TRAF2: variants seen among roughly 807,000 people sequenced by gnomAD.
TRAF2 encodes the protein TNF receptor associated factor 2, also known as TNF receptor-associated factor 2.
TRAF2 carries 6 observed loss-of-function variants against 55.6 expected under a neutral mutation model. The observed-to-expected ratio is 0.11, with a 90% CI of 0.06 to 0.21. TRAF2 has a LOEUF of 0.21. Ranked by LOEUF, TRAF2 falls within the 10% of genes least tolerant of loss-of-function variation. The pLI, the probability that TRAF2 is intolerant of heterozygous loss-of-function variation, is 1.00. For synonymous variants in TRAF2, 329 were observed against 276.3 expected, an observed-to-expected ratio of 1.19 and a Z score of -1.89; for missense variants, 561 against 684.5, an observed-to-expected ratio of 0.82 and a Z score of 2.01.
At chr9:136,907,516 G>A (rs1005094000) in intron 4 of TRAF2, among the ~76,000 whole-genome samples, 1 of 152,250 alleles carries the variant, frequency 6.6e-6, no homozygotes, top group Non-Finnish European at 1.5e-5. Context: ...TTGGCCTGGT[G>A]GGCTTGTGCC....
Position 136,909,911 on chromosome 9 carries a change from C to T in TRAF2, c.529-9C>T. The T allele has an allele frequency of 6.2e-7, 1 of 1,614,128 alleles. No homozygotes were observed. ...TCCACCCTCACACTCCTGATCCCTT[C>T]TTTTGAAGGCGCACCACGAGGTCTG... is the stretch of plus-strand genomic sequence containing the variant. On this transcript the variant is annotated splice_polypyrimidine_tract_variant and intron_variant, in intron 5 of 10. Transcript: ENST00000247668.
At chr9:136,885,874 A>T (rs1193053738), upstream of TRAF2, among the ~76,000 whole-genome samples, 1 of 152,242 alleles carries the variant, frequency 6.6e-6, no homozygotes, top group Non-Finnish European at 1.5e-5. Context: ...CCCCAAAAGG[A>T]GACCCCATAG....
At chr9:136,884,579 C>G (rs28553941), upstream of TRAF2, among the ~76,000 whole-genome samples, 2 of 9,288 alleles carry the variant, frequency 2.2e-4, no homozygotes, top group African/African-American at 7.7e-4. Flanking sequence ...AAAAAAGAGA[C>G]AGGGTCTCAC....
chr9:136,909,374 G>A (rs1024930777), intron 5 of TRAF2, among the ~76,000 whole-genome samples: 2 of 152,212 alleles, frequency 1.3e-5, no homozygotes, highest in Non-Finnish European at 2.9e-5. Context: ...ATGTCTCTGG[G>A]TCTCTCTCTG....
At chr9:136,909,184 C>T (rs925406235) in intron 5 of TRAF2, among the ~76,000 whole-genome samples, 3 of 97,782 alleles carry the variant, frequency 3.1e-5, no homozygotes, top group African/African-American at 1.3e-4. Flanking sequence ...GCTTTGCTCT[C>T]AAGACAGTTG....
At chr9:136,886,741 G>C (rs116932476) in intron 1 of TRAF2, 200 bp downstream of exon 1, 2 of 293,438 alleles carry the variant, frequency 6.8e-6, no homozygotes, top group Non-Finnish European at 1.0e-5. Flanking sequence ...CGGAAACCAA[G>C]TCCGAGCGTG....
At chr9:136,924,330 TG>T (rs1850469285) in intron 10 of TRAF2, among the ~76,000 whole-genome samples, 1 of 151,502 alleles carries the variant, frequency 6.6e-6, no homozygotes, top group African/African-American at 2.4e-5. Context: ...GAGGCTGAGG[TG>T]GGAGGATTGC....
Position 136,907,183 on chromosome 9 carries a change from C to T in TRAF2, c.367-887C>T, listed in dbSNP as rs752968049. On this transcript the variant is annotated intron_variant, in intron 4 of 10. Coordinates refer to ENST00000247668, the MANE Select transcript of TRAF2 (RefSeq NM_021138.4). ...CCTTGCCACCCTGGCCATCTGTGGA[C>T]GTCCACAGTCCTCTGCCTCGCCTGA... is the stretch of plus-strand genomic sequence containing the variant. Among the ~76,000 whole-genome samples, 10 of 152,386 alleles carry T rather than the reference C, an allele frequency of 6.6e-5. No homozygotes were observed. In the East Asian group the frequency reaches 1.7e-3, roughly 26 times the overall value.
chr9:136,887,239 AG>A (rs1244580774), intron 1 of TRAF2, among the ~76,000 whole-genome samples: 5 of 152,198 alleles, frequency 3.3e-5, no homozygotes, highest in Non-Finnish European at 7.3e-5. Flanking sequence ...TGGCAGTAGC[AG>A]GGGATGTTTG....
In TRAF2 at chr9:136,900,529, G is replaced by T. The variant is rs138540053; in HGVS notation, c.366+9G>T. The T allele has an allele frequency of 5.0e-6, 8 of 1,610,884 alleles. No individual in the cohort carries two copies. In the African/African-American group the frequency reaches 1.1e-4, roughly 21 times the overall value. ...CCCTGAAAGAATACGAGGTAAAGAT[G>T]CCTGCGTGTGGCATGGTGACAGAAG... On this transcript the variant is annotated intron_variant, in intron 4 of 10. Coordinates refer to ENST00000247668, the MANE Select transcript of TRAF2 (RefSeq NM_021138.4).
chr9:136,882,239 G>A (rs1251940540), upstream of TRAF2, among the ~76,000 whole-genome samples: 2 of 152,236 alleles, frequency 1.3e-5, no homozygotes, highest in Non-Finnish European at 2.9e-5. Context: ...ACAGAGCCCT[G>A]CTGGGCACAG....
In TRAF2 at chr9:136,900,535, G is replaced by A. The variant is rs750497275; in HGVS notation, c.366+15G>A. The A allele has an allele frequency of 1.3e-5, 21 of 1,605,224 alleles. No homozygotes were observed. The South Asian group carries it at 1.5e-4, about 12-fold the overall frequency. On this transcript the variant is annotated intron_variant, in intron 4 of 10. Transcript: ENST00000247668. Reference sequence around the variant, plus strand: ...AAGAATACGAGGTAAAGATGCCTGCGTGTGGCATGGTGACAGAAGCTCCAG... The same window carrying A: ...AAGAATACGAGGTAAAGATGCCTGCATGTGGCATGGTGACAGAAGCTCCAG...
At chr9:136,886,777 C>G (rs1387505399) in intron 1 of TRAF2, 5 of 206,648 alleles carry the variant, frequency 2.4e-5, no homozygotes, top group Non-Finnish European at 3.4e-5. Context: ...TTCGGGAACG[C>G]GCGCGGCCGT....
intron 8 of TRAF2, among the ~76,000 whole-genome samples, chr9:136,920,757 T>G (rs1850365764): frequency 6.6e-6 from 1 of 152,138 alleles, no homozygotes; most frequent in Admixed American, 6.5e-5. Flanking sequence ...AGGAGCCTCT[T>G]CTCTCTGATG....
chr9:136,908,536 C>T (rs944562041), intron 5 of TRAF2, among the ~76,000 whole-genome samples: 1 of 152,084 alleles, frequency 6.6e-6, no homozygotes, highest in African/African-American at 2.4e-5. Flanking sequence ...GCCTGGCCAA[C>T]ATGGTGAAAC....
chr9:136,907,295 C>T (rs1406149740), intron 4 of TRAF2, among the ~76,000 whole-genome samples: 1 of 152,256 alleles, frequency 6.6e-6, no homozygotes, highest in Non-Finnish European at 1.5e-5. Flanking sequence ...CCACTGCCTG[C>T]CTTCCCTGGT....
chr9:136,899,578 C>T lies in TRAF2; in HGVS notation c.189-16C>T, dbSNP rs1298902642. Reference sequence around the variant, plus strand: ...GGTTTCACAGTGGGTTGTTTTTTGCCTTTTTTCCCCACTAGCTCTGGGCCT... The same window carrying T: ...GGTTTCACAGTGGGTTGTTTTTTGCTTTTTTTCCCCACTAGCTCTGGGCCT... On this transcript the variant is annotated splice_polypyrimidine_tract_variant and intron_variant, in intron 2 of 10. Transcript: ENST00000247668. The T allele has an allele frequency of 4.4e-6, 7 of 1,593,836 alleles. No individual in the cohort carries two copies. The highest frequency in any genetic ancestry group is 2.3e-5 in the South Asian group (2 of 87,970).
chr9:136,903,736 C>G (rs1849879297), intron 4 of TRAF2, among the ~76,000 whole-genome samples: 1 of 152,066 alleles, frequency 6.6e-6, no homozygotes, highest in Non-Finnish European at 1.5e-5. Context: ...GACTGGAGTG[C>G]AGTGGTGCGA....
At chr9:136,892,354 C>T (rs1849597712) in intron 1 of TRAF2, among the ~76,000 whole-genome samples, 2 of 152,058 alleles carry the variant, frequency 1.3e-5, no homozygotes, top group Admixed American at 6.6e-5. Context: ...GTCCCAGCTA[C>T]TTGGGAGGCT....
Sources: allele counts gnomAD v4.1 joint callset (sites outside exome capture counted in the v4.1 genomes callset), GRCh38; gene constraint gnomAD v4.1.1; transcripts MANE v1.5; gene names NCBI Gene and HGNC (gene_info 2026-07-23, HGNC 2026-07-21).